Variants in FGF14 observed in about 807,000 individuals in gnomAD.
The protein encoded by FGF14 is fibroblast growth factor 14.
In FGF14, 5 loss-of-function variants were observed where a neutral mutation model predicts 25.5. The observed-to-expected ratio is 0.20, with a 90% CI of 0.10 to 0.41. FGF14 has a LOEUF of 0.41. Ranked by LOEUF, FGF14 falls within the 10% of genes least tolerant of loss-of-function variation. The pLI is 1.00. For missense variants in FGF14, 222 were observed against 320.1 expected, an observed-to-expected ratio of 0.69 and a Z score of 2.34; for synonymous variants, 138 against 118.3, an observed-to-expected ratio of 1.17 and a Z score of -1.08.
chr13:102,249,456 G>A (rs547556663), intron 1 of FGF14, among the ~76,000 whole-genome samples: 16 of 152,270 alleles, frequency 1.1e-4, no homozygotes, highest in East Asian at 3.9e-4. Context: ...GGGAGCTGTC[G>A]TTGAGGGTCA....
At position 101,755,630 on chromosome 13, in the gene FGF14, C is replaced by T. The variant is rs116447257; in HGVS notation, c.409-28820G>A. Among the ~76,000 whole-genome samples the T allele has an allele frequency of 2.7e-3, 408 of 152,210 alleles. 1 individual carries two copies. Among genetic ancestry groups the T allele is most frequent in the African/African-American group, 9.4e-3 (392 of 41,528 alleles). Reference sequence around the variant, plus strand: ...CTGGAGAGAGAATTGAAGAAACTGCCTGAATTGCTGTTCTCCACATGGACA... The same window carrying T: ...CTGGAGAGAGAATTGAAGAAACTGCTTGAATTGCTGTTCTCCACATGGACA... On this transcript the variant is annotated intron_variant, in intron 3 of 4. Coordinates refer to ENST00000376143, the MANE Select transcript of FGF14 (RefSeq NM_004115.4).
chr13:102,336,998 T>G (rs1429199125), intron 1 of FGF14, among the ~76,000 whole-genome samples: 1 of 152,194 alleles, frequency 6.6e-6, no homozygotes, highest in African/African-American at 2.4e-5. Context: ...TGATGGAGAT[T>G]GTACAGGAGA....
At chr13:102,339,538 G>T (rs1296903245) in intron 1 of FGF14, among the ~76,000 whole-genome samples, 1 of 152,092 alleles carries the variant, frequency 6.6e-6, no homozygotes, top group Non-Finnish European at 1.5e-5. Context: ...AAGGGGTGAG[G>T]TGAGAGCAAA....
chr13:101,724,537 CAT>C (rs1213805700), intron 4 of FGF14, among the ~76,000 whole-genome samples: 4 of 148,848 alleles, frequency 2.7e-5, no homozygotes, highest in African/African-American at 9.9e-5. Flanking sequence ...CACATGTATA[CAT>C]ATGTCACAAA....
At chr13:102,144,201 G>A (rs1015211584) in intron 1 of FGF14, among the ~76,000 whole-genome samples, 1 of 152,020 alleles carries the variant, frequency 6.6e-6, no homozygotes, top group Non-Finnish European at 1.5e-5. Context: ...TATGGCATGA[G>A]CTACTGTATC....
chr13:102,158,535 G>A (rs1213820222), intron 1 of FGF14, among the ~76,000 whole-genome samples: 7 of 126,174 alleles, frequency 5.5e-5, no homozygotes, highest in Non-Finnish European at 1.1e-4. Flanking sequence ...TGGGGGTAGC[G>A]GGGGGGGGAT....
At position 101,764,757 on chromosome 13, in the gene FGF14, T is replaced by C. The variant is rs553316925; in HGVS notation, c.409-37947A>G. 1.3e-4 allele frequency among the ~76,000 whole-genome samples: 20 copies of C among 152,330 alleles called. 1 individual carries two copies. The South Asian group carries it at 4.1e-3, about 32-fold the overall frequency. ...GCTGTGACACAATGGCAAGAGGTAC[T>C]GAAGTTAAGGAAGCCGGAAAATTTT... On this transcript the variant is annotated intron_variant, in intron 3 of 4. Transcript: ENST00000376143.
At chr13:102,391,489 T>G (rs1044573243) in intron 1 of FGF14, among the ~76,000 whole-genome samples, 1 of 152,264 alleles carries the variant, frequency 6.6e-6, no homozygotes, top group Middle Eastern at 3.4e-3. Flanking sequence ...GATGTAAAAT[T>G]TTTATCCTAT....
At chr13:102,374,825 G>A (rs1016626063) in intron 1 of FGF14, among the ~76,000 whole-genome samples, 1 of 150,946 alleles carries the variant, frequency 6.6e-6, no homozygotes, top group African/African-American at 2.4e-5. Context: ...ATTTTTAAGT[G>A]ATTCAAGAGA....
chr13:101,859,628 C>T (rs1332145557), intron 3 of FGF14, among the ~76,000 whole-genome samples: 1 of 152,042 alleles, frequency 6.6e-6, no homozygotes, highest in Non-Finnish European at 1.5e-5. Context: ...TTCTTGCAAA[C>T]CCTTTTGTTA....
At chr13:102,027,038 A>G (rs907938551) in intron 1 of FGF14, among the ~76,000 whole-genome samples, 1 of 151,992 alleles carries the variant, frequency 6.6e-6, no homozygotes, top group African/African-American at 2.4e-5. Flanking sequence ...TAGAACTTGA[A>G]GAGTAAATTA....
At position 101,720,457 on chromosome 13, in the gene FGF14, A is replaced by G. The variant is rs1347435912; in HGVS notation, c.*2374T>C. 2 of 152,118 alleles carry G rather than the reference A, an allele frequency of 1.3e-5. No homozygotes were observed. Among genetic ancestry groups the G allele is most frequent in the Non-Finnish European group, 2.9e-5 (2 of 68,012 alleles). The allele number at this position is 152,118 out of a possible 1,614,324, so 9.4% of individuals were successfully genotyped here. Reference sequence around the variant, plus strand: ...ATCTTGTCTTAATTTAAACCAATAAACAGACTTGCAGGGGAAAAAGAAACC... The same window carrying G: ...ATCTTGTCTTAATTTAAACCAATAAGCAGACTTGCAGGGGAAAAAGAAACC... On this transcript the variant is annotated 3_prime_UTR_variant, in exon 5 of 5. Coordinates refer to ENST00000376143, the MANE Select transcript of FGF14 (RefSeq NM_004115.4).
At chr13:102,023,249 T>C (rs1351398529) in intron 1 of FGF14, among the ~76,000 whole-genome samples, 2 of 152,024 alleles carry the variant, frequency 1.3e-5, no homozygotes, top group East Asian at 1.9e-4. Flanking sequence ...GTTATATACC[T>C]AGAAAGAAGC....
chr13:102,098,152 C>T (rs576128235), intron 1 of FGF14, among the ~76,000 whole-genome samples: 6 of 152,326 alleles, frequency 3.9e-5, no homozygotes, highest in Admixed American at 3.3e-4. Flanking sequence ...CTCAAGACCC[C>T]CACCAGCCAG....
chr13:101,853,126 A>G (rs1323186), intron 3 of FGF14, among the ~76,000 whole-genome samples: 1 of 151,888 alleles, frequency 6.6e-6, no homozygotes, highest in Non-Finnish European at 1.5e-5. Context: ...ATCACCTGAG[A>G]GTGTGTAGAA....
intron 1 of FGF14, among the ~76,000 whole-genome samples, chr13:102,254,074 C>T (rs1386343276): frequency 1.3e-5 from 2 of 152,148 alleles, no homozygotes; most frequent in African/African-American, 4.8e-5. Flanking sequence ...AGGTTTCCAC[C>T]CCAGCAAGAG....
rs1247922033 is a variant in FGF14, at chr13:101,769,944, G to GTAAA, written c.409-43138_409-43135dup. Among the ~76,000 whole-genome samples, 3 of 152,196 alleles carry GTAAA rather than the reference G, an allele frequency of 2.0e-5. No homozygotes were observed. The East Asian group carries it at 5.8e-4, about 29-fold the overall frequency. Reference sequence around the variant, plus strand: ...TATAACACCAAGGATAAACCCTAATGTAAATGATGGACTTTGGGTGCTAAT... The same window carrying GTAAA: ...TATAACACCAAGGATAAACCCTAATGTAAATAAATGATGGACTTTGGGTGCTAAT... On this transcript the variant is annotated intron_variant, in intron 3 of 4. Transcript: ENST00000376143.
At chr13:101,772,624 A>G (rs1341682196) in intron 3 of FGF14, among the ~76,000 whole-genome samples, 4 of 152,162 alleles carry the variant, frequency 2.6e-5, no homozygotes, top group Admixed American at 6.6e-5. Context: ...GGAATAAATT[A>G]TAGCACATAT....
chr13:101,855,784 C>T (rs939091523), intron 3 of FGF14, among the ~76,000 whole-genome samples: 7 of 151,854 alleles, frequency 4.6e-5, no homozygotes, highest in Admixed American at 3.9e-4. Context: ...ATTTAACATA[C>T]TTTGCATTTA....
Sources: allele counts gnomAD v4.1 joint callset (sites outside exome capture counted in the v4.1 genomes callset), GRCh38; gene constraint gnomAD v4.1.1; transcripts MANE v1.5; gene names NCBI Gene and HGNC (gene_info 2026-07-23, HGNC 2026-07-21).